The following COX16 variants were observed in gnomAD, a reference collection of about 807,000 sequenced individuals.
COX16 encodes the protein cytochrome c oxidase assembly factor COX16.
Under a neutral mutation model 15.4 loss-of-function variants are expected in COX16, and 12 were observed. The observed-to-expected ratio is 0.78, with a 90% CI of 0.50 to 1.26. COX16 has a LOEUF of 1.26. Among genes scored for constraint, COX16 ranks in the 50% most tolerant of loss-of-function variants. COX16 has a pLI of 0.00. For synonymous variants in COX16, 46 were observed against 41.1 expected (o/e 1.12, Z -0.46); for missense variants, 124 against 127.6 (o/e 0.97, Z 0.14).
chr14:70,352,627 A>C (rs1178057525), intron 1 of COX16, among the ~76,000 whole-genome samples: 2 of 148,856 alleles, frequency 1.3e-5, no homozygotes, highest in African/African-American at 4.9e-5. Context: ...TCTAACACAA[A>C]TATATTTCTT....
chr14:70,342,823 C>T (rs540015255), intron 1 of COX16, 94 bp from the exon 2 acceptor site: 1 of 1,284,758 alleles, frequency 7.8e-7, no homozygotes, highest in African/African-American at 1.5e-5. Context: ...ACAATAGAGG[C>T]ACATTATACA....
chr14:70,329,227 C>G lies in COX16; in HGVS notation c.151G>C (p.Glu51Gln). Reference sequence around the variant, plus strand: ...TTCTCTTTCAGTTTTTTTTCAAGCTCAGGATCCATCTGTAGAAAAGGAAAA... The same window carrying G: ...TTCTCTTTCAGTTTTTTTTCAAGCTGAGGATCCATCTGTAGAAAAGGAAAA... Reference protein sequence around the residue: ...YDAVKSKMDPELEKKLKENKI... With the variant: ...YDAVKSKMDPQLEKKLKENKI... Residue 51 changes from glutamate (E) to glutamine (Q), a missense_variant, in exon 3 of 4, where the codon GAG becomes CAG. Physicochemically the swap from Glu to Gln is conservative, Grantham distance 29 (BLOSUM62 2). Coordinates refer to ENST00000389912, the MANE Select transcript of COX16 (RefSeq NM_016468.7). The G allele has an allele frequency of 1.3e-6, 2 of 1,593,714 alleles. No homozygotes were observed. The highest frequency in any genetic ancestry group is 1.7e-6 in the Non-Finnish European group (2 of 1,168,766).
chr14:70,359,558 A>G lies in COX16; in HGVS notation c.30T>C (p.Phe10=), dbSNP rs1887237801. The G allele has an allele frequency of 3.7e-6, 6 of 1,614,120 alleles. No individual in the cohort carries two copies. Among genetic ancestry groups the G allele is most frequent in the Middle Eastern group, 1.6e-4 (1 of 6,062 alleles). ...CATAGCCGAGAGTCTTGTTCTTGCG[A>G]AAAGCACGCATCACCGCGGGTGCAA... The part of the protein sequence containing the change: MFAPAVMRA[F]RKNKTLGYGV... Residue 10 remains phenylalanine, a synonymous_variant, in exon 1 of 4, where the codon TTT becomes TTC. Transcript: ENST00000389912.
At chr14:70,351,697 A>G (rs183571730) in intron 1 of COX16, among the ~76,000 whole-genome samples, 2,573 of 152,276 alleles carry the variant, frequency 0.017, 74 homozygotes, top group African/African-American at 0.057. Context: ...TTTCTTTGCT[A>G]TATGGTATTC....
rs1294100222 is a variant in COX16, at chr14:70,325,585, A to AAAAC, written c.*744_*747dup. 1.3e-5 allele frequency: 2 copies of AAAAC among 152,220 alleles called. No individual in the cohort carries two copies. Among genetic ancestry groups the AAAAC allele is most frequent in the African/African-American group, 4.8e-5 (2 of 41,464 alleles). The allele number at this position is 152,220 out of a possible 1,614,324, so 9.4% of individuals were successfully genotyped here. On this transcript the variant is annotated 3_prime_UTR_variant, in exon 4 of 4. Transcript: ENST00000389912. The stretch of plus-strand genomic sequence containing the variant: ...ACAGAGCGAGACTATGTCTCAAAAC[A>AAAAC]AAACAAAAACACTAGAGGGCAATTT...
intron 1 of COX16, among the ~76,000 whole-genome samples, chr14:70,343,967 G>A (rs1886699553): frequency 6.6e-6 from 1 of 152,180 alleles, no homozygotes; most frequent in Admixed American, 6.5e-5. Flanking sequence ...TTGGTGGGTA[G>A]GGGCTTGGGA....
At chr14:70,335,237 C>T (rs1384135272) in intron 2 of COX16, among the ~76,000 whole-genome samples, 2 of 152,072 alleles carry the variant, frequency 1.3e-5, no homozygotes, top group Non-Finnish European at 1.5e-5. Context: ...AGACAGACTG[C>T]AATACATAAT....
At chr14:70,358,551 G>C (rs1249625324) in intron 1 of COX16, among the ~76,000 whole-genome samples, 1 of 151,608 alleles carries the variant, frequency 6.6e-6, no homozygotes, top group Non-Finnish European at 1.5e-5. Flanking sequence ...ATCCACATTT[G>C]ATGAATGTGG....
chr14:70,356,196 A>T (rs1331137683), intron 1 of COX16, among the ~76,000 whole-genome samples: 2 of 117,126 alleles, frequency 1.7e-5, no homozygotes, highest in Non-Finnish European at 3.3e-5. Flanking sequence ...CCATTTTTCC[A>T]CAGATGGTGG....
chr14:70,340,914 A>G (rs1886606179), intron 2 of COX16, among the ~76,000 whole-genome samples: 1 of 152,200 alleles, frequency 6.6e-6, no homozygotes, highest in Non-Finnish European at 1.5e-5. Flanking sequence ...ACGTCTAGTA[A>G]TGGCATTTTA....
chr14:70,358,395 G>A (rs1343173679), intron 1 of COX16, among the ~76,000 whole-genome samples: 4 of 27,496 alleles, frequency 1.5e-4, no homozygotes, highest in Non-Finnish European at 3.7e-4. Context: ...TTTTTTTTTT[G>A]GAGAGACAGA....
At chr14:70,345,269 G>C (rs913207393) in intron 1 of COX16, among the ~76,000 whole-genome samples, 2 of 152,260 alleles carry the variant, frequency 1.3e-5, no homozygotes, top group Non-Finnish European at 2.9e-5. Context: ...CGAATATCCA[G>C]TGTTGGTCCA....
chr14:70,342,160 C>T (rs1184223779), intron 2 of COX16, among the ~76,000 whole-genome samples: 1 of 152,128 alleles, frequency 6.6e-6, no homozygotes. Context: ...AGAAAGATTA[C>T]TAGACTGGGC....
intron 2 of COX16, among the ~76,000 whole-genome samples, chr14:70,330,810 ATT>A (rs1168460581): frequency 8.5e-5 from 13 of 152,330 alleles, no homozygotes; most frequent in Admixed American, 6.5e-5. Flanking sequence ...TGATTGCACA[ATT>A]TCTTATCTAT....
chr14:70,332,259 C>T (rs1203004990), intron 2 of COX16, among the ~76,000 whole-genome samples: 3 of 152,230 alleles, frequency 2.0e-5, no homozygotes, highest in Non-Finnish European at 2.9e-5. Flanking sequence ...GAGCTGTTTA[C>T]ACAAGGACCC....
In COX16 at chr14:70,325,597, C is replaced by A. The variant is rs1438537190; in HGVS notation, c.*736G>T. ...TATGTCTCAAAACAAAACAAAAACA[C>A]TAGAGGGCAATTTTGCATGCAAATT... On this transcript the variant is annotated 3_prime_UTR_variant, in exon 4 of 4. Transcript: ENST00000389912. 1 of 152,070 alleles carries A rather than the reference C, an allele frequency of 6.6e-6. No individual in the cohort carries two copies. Among genetic ancestry groups the A allele is most frequent in the East Asian group, 1.9e-4 (1 of 5,192 alleles). The allele number at this position is 152,070 out of a possible 1,614,324, so 9.4% of individuals were successfully genotyped here. A position where few individuals can be genotyped will look rare whatever the true frequency, so the allele number is the denominator to read the frequency against.
intron 2 of COX16, among the ~76,000 whole-genome samples, chr14:70,330,362 A>G (rs1387416468): frequency 6.6e-6 from 1 of 152,212 alleles, no homozygotes; most frequent in African/African-American, 2.4e-5. Context: ...TACAATCTAT[A>G]AAGAATTAAA....
chr14:70,354,458 C>CA (rs972153829), intron 1 of COX16, among the ~76,000 whole-genome samples: 2 of 152,160 alleles, frequency 1.3e-5, no homozygotes, highest in Non-Finnish European at 2.9e-5. Flanking sequence ...ACAGTTCAGT[C>CA]ACATGGCCAA....
In COX16 at chr14:70,354,708, T is replaced by C. The variant is rs953000585; in HGVS notation, c.69+4811A>G. 2.0e-5 allele frequency among the ~76,000 whole-genome samples: 3 copies of C among 152,152 alleles called. No homozygotes were observed. The East Asian group carries it at 5.8e-4, about 29-fold the overall frequency. ...TATAATAACACTGTAATCATAAGTA[T>C]AGTATTCTCCTGAGTTCTATGAGTA... On this transcript the variant is annotated intron_variant, in intron 1 of 3. Coordinates refer to ENST00000389912, the MANE Select transcript of COX16 (RefSeq NM_016468.7).
Sources: gnomAD v4.1 joint callset for allele counts (sites outside exome capture counted in the v4.1 genomes callset) on GRCh38, gnomAD v4.1.1 for gene constraint, MANE v1.5 for transcripts, NCBI Gene and HGNC (gene_info 2026-07-23, HGNC 2026-07-21) for gene names.